APPL2: variants seen among roughly 807,000 people sequenced by gnomAD.
APPL2 encodes DCC-interacting protein 13-beta.
In APPL2, 84 loss-of-function variants were observed where a neutral mutation model predicts 92.7. The observed-to-expected ratio is 0.91, with a 90% CI of 0.76 to 1.09. The LOEUF (loss-of-function observed/expected upper bound fraction) is 1.09. Among genes scored for constraint, APPL2 ranks in the 50% least tolerant of loss-of-function variants. The pLI is 0.00. For missense variants in APPL2, 736 were observed against 824.5 expected (o/e 0.89, Z 1.31); for synonymous variants, 291 against 291.0 (o/e 1.00, Z 0.00).
chr12:105,189,191 G>GTATA (rs113045806), intron 16 of APPL2, among the ~76,000 whole-genome samples: 304 of 150,108 alleles, frequency 2.0e-3, no homozygotes, highest in Non-Finnish European at 1.6e-3. Flanking sequence ...GCTAATTTTT[G>GTATA]TATATATATA....
Position 105,177,219 on chromosome 12 carries a change from T to C in APPL2, c.1671+7A>G. On this transcript the variant is annotated splice_region_variant and intron_variant, in intron 18 of 20. Transcript: ENST00000258530. ...ATCACTAACATGAACCTGTATGCGG[T>C]ACTTACATTGGCCCTTGATACTTGA... The C allele has an allele frequency of 6.2e-7, 1 of 1,613,872 alleles. No homozygotes were observed. The highest frequency in any genetic ancestry group is 8.5e-7 in the Non-Finnish European group (1 of 1,179,734).
chr12:105,218,375 C>T (rs1889854232), intron 2 of APPL2, among the ~76,000 whole-genome samples: 1 of 152,158 alleles, frequency 6.6e-6, no homozygotes, highest in East Asian at 1.9e-4. Context: ...AGGGCACAGT[C>T]CCTGTCCTCA....
chr12:105,231,071 T>G (rs1304200115), intron 1 of APPL2, among the ~76,000 whole-genome samples: 1 of 152,238 alleles, frequency 6.6e-6, no homozygotes, highest in Admixed American at 6.5e-5. Context: ...CCTATTTTAG[T>G]CTATTCCATT....
rs939252704 is a variant in APPL2, at chr12:105,206,952, G to A, written c.621+109C>T. The A allele has an allele frequency of 5.1e-6, 7 of 1,369,030 alleles. No homozygotes were observed. In the African/African-American group the frequency reaches 8.7e-5, roughly 17 times the overall value. The allele number at this position is 1,369,030 out of a possible 1,614,324, so 84.8% of individuals were successfully genotyped here. A position where few individuals can be genotyped will look rare whatever the true frequency, so the allele number is the denominator to read the frequency against. ...ATCCCACAAAGTAGCCAGGGAGATT[G>A]TGCATTTATGTTTCTTTCTACGACG... On this transcript the variant is annotated intron_variant, in intron 8 of 20. Transcript: ENST00000258530.
chr12:105,234,337 T>C (rs73397655), intron 1 of APPL2, among the ~76,000 whole-genome samples: 3,500 of 152,270 alleles, frequency 0.023, 112 homozygotes, highest in African/African-American at 0.066. Flanking sequence ...CTGAGCCAGC[T>C]ACAGGGTGGA....
At chr12:105,234,481 G>A (rs61078684) in intron 1 of APPL2, among the ~76,000 whole-genome samples, 3,717 of 152,308 alleles carry the variant, frequency 0.024, 70 homozygotes, top group Middle Eastern at 0.048. Context: ...CTCACAAACA[G>A]TGTATATTCC....
In APPL2 at chr12:105,233,310, T is replaced by C. The variant is rs115050746; in HGVS notation, c.54+2649A>G. 1.4e-4 allele frequency: 139 copies of C among 985,452 alleles called. 1 individual carries two copies. In the African/African-American group the frequency reaches 2.4e-3, roughly 17 times the overall value. The allele number at this position is 985,452 out of a possible 1,614,324, so 61.0% of individuals were successfully genotyped here. A position where few individuals can be genotyped will look rare whatever the true frequency, so the allele number is the denominator to read the frequency against. On this transcript the variant is annotated intron_variant, in intron 1 of 20. Transcript: ENST00000258530. The stretch of plus-strand genomic sequence containing the variant: ...AGGAGCAGAGGCTTCTAAACAACAA[T>C]GGAGGCAGATTTCTTAATCCCTAAA...
chr12:105,190,209 A>G (rs1887085044), intron 14 of APPL2, 54 bp from the exon 15 acceptor site: 1 of 1,553,980 alleles, frequency 6.4e-7, no homozygotes, highest in Non-Finnish European at 8.7e-7. Context: ...AATCAAGTGA[A>G]TACTTGTTGA....
Position 105,236,120 on chromosome 12 carries a change from C to G in APPL2, c.-108G>C. The G allele has an allele frequency of 1.2e-6, 1 of 805,814 alleles. No individual in the cohort carries two copies. The highest frequency in any genetic ancestry group is 6.0e-5 in the South Asian group (1 of 16,618). The allele number at this position is 805,814 out of a possible 1,614,324, so 49.9% of individuals were successfully genotyped here. On this transcript the variant is annotated 5_prime_UTR_variant, in exon 1 of 21. Coordinates refer to ENST00000258530, the MANE Select transcript of APPL2 (RefSeq NM_018171.5). ...GGCTCAGGCGACGCGGCGGCCACTC[C>G]GTGCCCGCGGCGGCCCCGCGCGCGT...
chr12:105,235,310 C>T (rs1281196005), intron 1 of APPL2: 1 of 152,202 alleles, frequency 6.6e-6, no homozygotes, highest in African/African-American at 2.4e-5. Flanking sequence ...ACTTGACTCT[C>T]ATCTCGAGTG....
At position 105,208,042 on chromosome 12, in the gene APPL2, A is replaced by C; in HGVS notation, c.416-13T>G. The stretch of plus-strand genomic sequence containing the variant: ...GAGAGGTCATGCTCTAAAAATAAAC[A>C]GACATCTGAACACCCAGGAGGGTCA... On this transcript the variant is annotated splice_polypyrimidine_tract_variant and intron_variant, in intron 6 of 20. Transcript: ENST00000258530. 1 of 1,614,166 alleles carries C rather than the reference A, an allele frequency of 6.2e-7. No homozygotes were observed. Among genetic ancestry groups the C allele is most frequent in the Non-Finnish European group, 8.5e-7 (1 of 1,179,998 alleles).
rs550204235 is a variant in APPL2 at position 105,228,995 on chromosome 12, C to T, written c.153+130G>A. 6.0e-5 allele frequency: 45 copies of T among 755,878 alleles called. No homozygotes were observed. The South Asian group carries it at 8.0e-4, about 13-fold the overall frequency. The allele number at this position is 755,878 out of a possible 1,614,324, so 46.8% of individuals were successfully genotyped here. A position where few individuals can be genotyped will look rare whatever the true frequency, so the allele number is the denominator to read the frequency against. On this transcript the variant is annotated intron_variant, in intron 2 of 20. Coordinates refer to ENST00000258530, the MANE Select transcript of APPL2 (RefSeq NM_018171.5). Reference sequence around the variant, plus strand: ...TTTGAGGTGAAAAGTAGTGAGAAAACAGTTCTGATTTTGTTTCAAAATCTT... The same window carrying T: ...TTTGAGGTGAAAAGTAGTGAGAAAATAGTTCTGATTTTGTTTCAAAATCTT...
At chr12:105,227,070 A>G (rs1465150094) in intron 2 of APPL2, among the ~76,000 whole-genome samples, 1 of 152,084 alleles carries the variant, frequency 6.6e-6, no homozygotes, top group Non-Finnish European at 1.5e-5. Flanking sequence ...ACAGTGAGGT[A>G]TAATCATGCC....
rs563779523 is a variant in APPL2 at position 105,181,928 on chromosome 12, G to C, written c.1635-4666C>G. 2.0e-5 allele frequency among the ~76,000 whole-genome samples: 3 copies of C among 152,192 alleles called. No homozygotes were observed. The South Asian group carries it at 6.2e-4, about 32-fold the overall frequency. ...CAAAAAACCAGCTCCTGGATTCATT[G>C]ATTTTTGAAGGGTTTTTCGTGTCTC... On this transcript the variant is annotated intron_variant, in intron 17 of 20. Transcript: ENST00000258530.
At chr12:105,200,455 CAG>C (rs1277391911) in intron 9 of APPL2, among the ~76,000 whole-genome samples, 1 of 152,234 alleles carries the variant, frequency 6.6e-6, no homozygotes, top group African/African-American at 2.4e-5. Context: ...GCTGCCCACA[CAG>C]GGGTAAGTGG....
At chr12:105,187,924 T>G (rs1207332611) in intron 17 of APPL2, among the ~76,000 whole-genome samples, 8 of 152,094 alleles carry the variant, frequency 5.3e-5, no homozygotes, top group African/African-American at 1.4e-4. Flanking sequence ...AGGCAGATTT[T>G]TAAGTTTTTT....
rs752593594 is a variant in APPL2, at chr12:105,176,944, C to A, written c.1744G>T (p.Val582Phe). The stretch of plus-strand genomic sequence containing the variant: ...GATTCTTCTCCAGTGGATTCAGGAA[C>A]ACGGATGACAAAACCAACCAGTCTC... Reference protein sequence around the residue: ...NKRLVGFVIRVPESTGEESLS... With the variant: ...NKRLVGFVIRFPESTGEESLS... Residue 582 changes from valine to phenylalanine, a missense_variant, in exon 19 of 21, where the codon GTT becomes TTT. By Grantham distance (50) the Val-to-Phe change is conservative. Coordinates refer to ENST00000258530, the MANE Select transcript of APPL2 (RefSeq NM_018171.5). The A allele has an allele frequency of 6.2e-7, 1 of 1,614,068 alleles. No homozygotes were observed. The highest frequency in any genetic ancestry group is 8.5e-7 in the Non-Finnish European group (1 of 1,180,012).
chr12:105,227,045 G>A (rs534185042), intron 2 of APPL2, among the ~76,000 whole-genome samples: 2 of 151,938 alleles, frequency 1.3e-5, no homozygotes, highest in Admixed American at 6.5e-5. Flanking sequence ...TACTTGAGCC[G>A]TGGAGTTAGA....
In APPL2 at chr12:105,190,028, G is replaced by A. The variant is rs760184598; in HGVS notation, c.1369C>T (p.Pro457Ser). 43 of 1,614,052 alleles carry A rather than the reference G, an allele frequency of 2.7e-5. No homozygotes were observed. Among genetic ancestry groups the A allele is most frequent in the Non-Finnish European group, 3.5e-5 (41 of 1,180,036 alleles). The change falls in exon 15 of 21, where the codon CCT (proline) becomes TCT (serine). Residue 457 changes from proline (P) to serine (S), a missense_variant. Pro to Ser is a moderately conservative substitution (Grantham distance 74). Transcript: ENST00000258530. ...TTCTGATCAAGGAATTCTGTAGCAG[G>A]AAGCACAATATCGAATTGAATCGGC... Reference protein sequence around the residue: ...GTPIQFDIVLPATEFLDQNRG... With the variant: ...GTPIQFDIVLSATEFLDQNRG...
Sources: allele counts gnomAD v4.1 joint callset (sites outside exome capture counted in the v4.1 genomes callset), GRCh38; gene constraint gnomAD v4.1.1; transcripts MANE v1.5; gene names NCBI Gene and HGNC (gene_info 2026-07-23, HGNC 2026-07-21).